ZMIZ1: variants seen among roughly 807,000 people sequenced by gnomAD.
ZMIZ1 encodes zinc finger MIZ domain-containing protein 1.
In ZMIZ1, 17 loss-of-function variants were observed where a neutral mutation model predicts 113.9. The ratio of observed to expected loss-of-function variants is 0.15; its 90% CI spans 0.10 to 0.22. The LOEUF is 0.22. Among genes scored for constraint, ZMIZ1 ranks in the 10% least tolerant of loss-of-function variants. The pLI, the probability that ZMIZ1 is intolerant of heterozygous loss-of-function variation, is 1.00. For missense variants in ZMIZ1, 1,059 were observed against 1,477.8 expected (o/e 0.72, Z 4.65); for synonymous variants, 607 against 603.1 (o/e 1.01, Z -0.09).
At chr10:79,309,531 C>G (rs1854973399) in intron 23 of ZMIZ1, among the ~76,000 whole-genome samples, 1 of 152,212 alleles carries the variant, frequency 6.6e-6, no homozygotes, top group African/African-American at 2.4e-5. Flanking sequence ...GAGGTCGTCT[C>G]ATTCTTGGGG....
Position 79,277,411 on chromosome 10 carries a change from G to A in ZMIZ1, c.425+86G>A, listed in dbSNP as rs574814271. ...CCTTGGACATGTCCCTGGGGTGGGG[G>A]CCTCTGTGCAACCATGAGGATGTTG... is the stretch of plus-strand genomic sequence containing the variant. On this transcript the variant is annotated intron_variant, in intron 8 of 24. Coordinates refer to ENST00000334512, the MANE Select transcript of ZMIZ1 (RefSeq NM_020338.4). 4.3e-4 allele frequency: 628 copies of A among 1,455,066 alleles called. 3 individuals carry two copies. The African/African-American group carries it at 8.5e-3, about 20-fold the overall frequency. 90.1% of individuals were successfully genotyped at this position (1,455,066 alleles called of 1,614,324 possible).
At chr10:79,298,820 G>C (rs1199826467) in intron 15 of ZMIZ1, among the ~76,000 whole-genome samples, 1 of 152,242 alleles carries the variant, frequency 6.6e-6, no homozygotes, top group African/African-American at 2.4e-5. Flanking sequence ...ATGGAAGGAT[G>C]CAAGGAGGCG....
chr10:79,305,643 G>A (rs762884012), intron 21 of ZMIZ1, 42 bp downstream of exon 21: 40 of 1,598,930 alleles, frequency 2.5e-5, no homozygotes, highest in Admixed American at 2.2e-4. Flanking sequence ...GGGAGGGGAC[G>A]AGGCCTGGAT....
chr10:79,211,960 C>T (rs1848546234), intron 6 of ZMIZ1, among the ~76,000 whole-genome samples: 1 of 152,210 alleles, frequency 6.6e-6, no homozygotes, highest in Non-Finnish European at 1.5e-5. Context: ...CAGAGGAGGT[C>T]AGAGTCAGAA....
intron 7 of ZMIZ1, among the ~76,000 whole-genome samples, chr10:79,221,404 C>A (rs951771027): frequency 2.0e-5 from 3 of 152,256 alleles, no homozygotes; most frequent in Non-Finnish European, 4.4e-5. Context: ...TCTGGCGCAG[C>A]CTTTAGCCTC....
rs960305373 is a variant in ZMIZ1, at chr10:79,314,118, A to T, written c.*1369A>T. 2.2e-6 allele frequency: 1 copy of T among 456,726 alleles called. No individual in the cohort carries two copies. Among genetic ancestry groups the T allele is most frequent in the Non-Finnish European group, 4.4e-6 (1 of 226,968 alleles). 28.3% of individuals were successfully genotyped at this position (456,726 alleles called of 1,614,324 possible). A position where few individuals can be genotyped will look rare whatever the true frequency, so the allele number is the denominator to read the frequency against. On this transcript the variant is annotated 3_prime_UTR_variant, in exon 25 of 25. Coordinates refer to ENST00000334512, the MANE Select transcript of ZMIZ1 (RefSeq NM_020338.4). Reference sequence around the variant, plus strand: ...ATCTCACCCAAACTCCTGCTCACTCAAGCAAAAGCAGCCTCTGGCCTTCCC... The same window carrying T: ...ATCTCACCCAAACTCCTGCTCACTCTAGCAAAAGCAGCCTCTGGCCTTCCC...
Position 79,305,242 on chromosome 10 carries a change from C to G in ZMIZ1, c.2354+11C>G, listed in dbSNP as rs775275884. 10 of 1,613,540 alleles carry G rather than the reference C, an allele frequency of 6.2e-6. No individual in the cohort carries two copies. The Admixed American group carries it at 6.7e-5, about 11-fold the overall frequency. On this transcript the variant is annotated intron_variant, in intron 20 of 24. Transcript: ENST00000334512. ...GTGTCCTGTGTGCAAGTGAGTGATG[C>G]CCACCCCGGTGGGGGCTTCCCCCAT...
At chr10:79,070,541 C>T (rs1346903891) in intron 1 of ZMIZ1, among the ~76,000 whole-genome samples, 1 of 152,006 alleles carries the variant, frequency 6.6e-6, no homozygotes. Flanking sequence ...CCGGTCCGGG[C>T]CCCCCACCCC....
At chr10:79,095,783 A>G (rs1843147874) in intron 1 of ZMIZ1, among the ~76,000 whole-genome samples, 2 of 152,146 alleles carry the variant, frequency 1.3e-5, no homozygotes, top group South Asian at 4.2e-4. Context: ...GCCAGACTTC[A>G]TTGTTCTAAG....
chr10:79,291,021 G>T lies in ZMIZ1; in HGVS notation c.603G>T (p.Ala201=). 6.2e-7 allele frequency: 1 copy of T among 1,614,248 alleles called. No homozygotes were observed. ...NPMNPGGNPM[A]SGMTTSNPGL... is the part of the protein sequence containing the mutation. ...TGAATCCAGGCGGCAACCCCATGGC[G>T]TCGGGCATGACCACCAGCAACCCAG... Residue 201 remains alanine, a synonymous_variant, in exon 10 of 25, where the codon GCG becomes GCT. Coordinates refer to ENST00000334512, the MANE Select transcript of ZMIZ1 (RefSeq NM_020338.4).
At chr10:79,146,112 T>G (rs1221056570) in intron 3 of ZMIZ1, among the ~76,000 whole-genome samples, 1 of 152,158 alleles carries the variant, frequency 6.6e-6, no homozygotes, top group Non-Finnish European at 1.5e-5. Context: ...GGGTCAGGCC[T>G]GAGGCCAGGG....
chr10:79,108,871 G>A (rs1301025943), intron 1 of ZMIZ1, among the ~76,000 whole-genome samples: 3 of 151,906 alleles, frequency 2.0e-5, no homozygotes, highest in Non-Finnish European at 4.4e-5. Context: ...GGCTCCTGGG[G>A]CTGACCACCA....
intron 4 of ZMIZ1, among the ~76,000 whole-genome samples, chr10:79,191,500 G>A (rs1369380659): frequency 6.6e-6 from 1 of 152,166 alleles, no homozygotes; most frequent in African/African-American, 2.4e-5. Flanking sequence ...ACAGACAAGA[G>A]CCTTGAGGCA....
intron 4 of ZMIZ1, among the ~76,000 whole-genome samples, chr10:79,201,083 G>A (rs1036965297): frequency 2.6e-5 from 4 of 152,074 alleles, no homozygotes; most frequent in South Asian, 4.1e-4. Context: ...TGAGGTGGGC[G>A]GATCACCTGA....
Position 79,070,440 on chromosome 10 carries a change from G to A in ZMIZ1, c.-337+1170G>A, listed in dbSNP as rs1842225589. ...GCCCCGGAGCCGCCGGAGAAGGCCG[G>A]GAGCCGGCCTCAGCCCCGGGTTTAA... is the stretch of plus-strand genomic sequence containing the variant. On this transcript the variant is annotated intron_variant, in intron 1 of 24. Coordinates refer to ENST00000334512, the MANE Select transcript of ZMIZ1 (RefSeq NM_020338.4). 2.0e-5 allele frequency among the ~76,000 whole-genome samples: 3 copies of A among 152,016 alleles called. No homozygotes were observed. The South Asian group carries it at 6.2e-4, about 31-fold the overall frequency.
At chr10:79,115,689 A>G (rs1564659272) in intron 1 of ZMIZ1, among the ~76,000 whole-genome samples, 1 of 152,216 alleles carries the variant, frequency 6.6e-6, no homozygotes, top group Non-Finnish European at 1.5e-5. Context: ...GAGACCACAT[A>G]TCTATTTAGG....
intron 2 of ZMIZ1, among the ~76,000 whole-genome samples, chr10:79,120,009 G>C (rs1844218657): frequency 6.7e-6 from 1 of 148,692 alleles, no homozygotes; most frequent in Non-Finnish European, 1.5e-5. Flanking sequence ...CAGTGATGTG[G>C]CAAGCCCCAT....
chr10:79,208,096 A>G (rs1387005033), intron 5 of ZMIZ1, among the ~76,000 whole-genome samples: 1 of 34,414 alleles, frequency 2.9e-5, no homozygotes, highest in African/African-American at 1.3e-4. Flanking sequence ...GTGGGGGTGG[A>G]GTGGAGGTGG....
rs540928982 is a variant in ZMIZ1, at chr10:79,198,499, CAT to C, written c.-49-3084_-49-3083del. On this transcript the variant is annotated intron_variant, in intron 4 of 24. Transcript: ENST00000334512. The stretch of plus-strand genomic sequence containing the variant: ...GGAGAAATTGGGCTTCAGGGTGTGA[CAT>C]GTGTGATAGGTGGTGGGTGGGATGA... Among the ~76,000 whole-genome samples the C allele has an allele frequency of 2.5e-3, 383 of 152,152 alleles. 1 individual carries two copies. The highest frequency in any genetic ancestry group is 0.022 in the South Asian group (106 of 4,814).
Sources: allele counts gnomAD v4.1 joint callset (sites outside exome capture counted in the v4.1 genomes callset), GRCh38; gene constraint gnomAD v4.1.1; transcripts MANE v1.5; gene names NCBI Gene and HGNC (gene_info 2026-07-23, HGNC 2026-07-21).